Variants in CTNND2 observed in about 807,000 individuals in gnomAD.
CTNND2 encodes catenin delta 2.
CTNND2 carries 22 observed loss-of-function variants against 144.4 expected under a neutral mutation model. The ratio of observed to expected loss-of-function variants is 0.15; its 90% CI spans 0.11 to 0.22. CTNND2 has a LOEUF of 0.22. CTNND2 is among the 10% of genes least tolerant of loss of function. The probability of loss-of-function intolerance (pLI) is 1.00; values close to 1 mark genes in which losing one functional copy is unlikely to be tolerated. For synonymous variants in CTNND2, 751 were observed against 695.6 expected, an observed-to-expected ratio of 1.08 and a Z score of -1.25; for missense variants, 1,353 against 1,618.8, an observed-to-expected ratio of 0.84 and a Z score of 2.82.
chr5:11,440,298 C>A (rs1764151664), intron 3 of CTNND2, among the ~76,000 whole-genome samples: 1 of 152,178 alleles, frequency 6.6e-6, no homozygotes, highest in Admixed American at 6.5e-5. Context: ...TTCACCTTAT[C>A]TTAAACTCAA....
intron 9 of CTNND2, among the ~76,000 whole-genome samples, chr5:11,336,999 T>C (rs1034494878): frequency 9.2e-5 from 14 of 152,126 alleles, no homozygotes; most frequent in African/African-American, 3.4e-4. Context: ...CTGGTGAGGG[T>C]TCCACAACGT....
At chr5:11,442,160 T>C (rs1177889721) in intron 3 of CTNND2, among the ~76,000 whole-genome samples, 2 of 152,230 alleles carry the variant, frequency 1.3e-5, no homozygotes, top group East Asian at 3.8e-4. Flanking sequence ...CATTTCATTG[T>C]ATTTTATTCC....
chr5:11,018,704 ACT>A (rs1741888653), intron 17 of CTNND2, among the ~76,000 whole-genome samples: 1 of 140,168 alleles, frequency 7.1e-6, no homozygotes, highest in East Asian at 2.1e-4. Context: ...CAAGGCCCTG[ACT>A]CTTTTTTTTT....
chr5:11,565,070 A>G lies in CTNND2; in HGVS notation c.175-14T>C. On this transcript the variant is annotated splice_polypyrimidine_tract_variant and intron_variant, in intron 2 of 21. Transcript: ENST00000304623. Reference sequence around the variant, plus strand: ...AAACTGTAATTCCTGAAAGAAACCCATCAACAAGATCAATTCAATCATCTA... The same window carrying G: ...AAACTGTAATTCCTGAAAGAAACCCGTCAACAAGATCAATTCAATCATCTA... 6.4e-7 allele frequency: 1 copy of G among 1,566,118 alleles called. No individual in the cohort carries two copies. The highest frequency in any genetic ancestry group is 8.8e-7 in the Non-Finnish European group (1 of 1,136,612).
chr5:11,480,609 A>C (rs967251109), intron 3 of CTNND2, among the ~76,000 whole-genome samples: 5 of 148,950 alleles, frequency 3.4e-5, no homozygotes, highest in Non-Finnish European at 5.9e-5. Context: ...AACTCCCCCC[A>C]CCAAACATGC....
intron 9 of CTNND2, among the ~76,000 whole-genome samples, chr5:11,241,064 CCT>C (rs1383012400): frequency 6.8e-6 from 1 of 147,418 alleles, no homozygotes; most frequent in Non-Finnish European, 1.5e-5. Context: ...ACCACACACA[CCT>C]AACACCCAAC....
intron 10 of CTNND2, among the ~76,000 whole-genome samples, chr5:11,202,048 C>T (rs985498758): frequency 1.3e-5 from 2 of 152,112 alleles, no homozygotes; most frequent in African/African-American, 2.4e-5. Flanking sequence ...GTTCAAAGTT[C>T]TCTGAATTTA....
intron 1 of CTNND2, among the ~76,000 whole-genome samples, chr5:11,760,013 T>A (rs375482091): frequency 2.7e-5 from 4 of 148,176 alleles, no homozygotes; most frequent in South Asian, 4.3e-4. Context: ...ACCACATACT[T>A]TGCCAGGTCC....
chr5:11,297,782 A>G (rs1373904715), intron 9 of CTNND2, among the ~76,000 whole-genome samples: 3 of 152,136 alleles, frequency 2.0e-5, no homozygotes, highest in Admixed American at 1.3e-4. Context: ...TAAGCTATGA[A>G]CCAACATATT....
chr5:11,459,700 A>C (rs182105962), intron 3 of CTNND2, among the ~76,000 whole-genome samples: 1 of 152,330 alleles, frequency 6.6e-6, no homozygotes, highest in African/African-American at 2.4e-5. Context: ...AATATACTTT[A>C]TTTAAAACAT....
chr5:11,435,246 C>T (rs1037167020), intron 3 of CTNND2, among the ~76,000 whole-genome samples: 2 of 152,002 alleles, frequency 1.3e-5, no homozygotes, highest in African/African-American at 4.8e-5. Context: ...TCACACCATT[C>T]CCCTGCCTCA....
chr5:11,503,333 A>G (rs1274194886), intron 3 of CTNND2, among the ~76,000 whole-genome samples: 1 of 152,210 alleles, frequency 6.6e-6, no homozygotes, highest in Admixed American at 6.5e-5. Flanking sequence ...GGACAAAAAC[A>G]AACTATGACT....
chr5:11,708,732 C>T (rs1034600106), intron 2 of CTNND2, among the ~76,000 whole-genome samples: 7 of 152,034 alleles, frequency 4.6e-5, no homozygotes, highest in African/African-American at 1.7e-4. Context: ...TGTTGCAGTT[C>T]CAGGCAACAG....
At chr5:11,796,624 T>G (rs1791416319) in intron 1 of CTNND2, among the ~76,000 whole-genome samples, 1 of 152,182 alleles carries the variant, frequency 6.6e-6, no homozygotes, top group African/African-American at 2.4e-5. Context: ...CATAAGCATT[T>G]GCCCATTTTT....
chr5:11,242,369 G>C (rs1003677467), intron 9 of CTNND2, among the ~76,000 whole-genome samples: 2 of 152,110 alleles, frequency 1.3e-5, no homozygotes, highest in African/African-American at 4.8e-5. Flanking sequence ...GTCTCCTCTC[G>C]AATCCATAAA....
At chr5:11,103,415 A>G (rs1752112070) in intron 14 of CTNND2, among the ~76,000 whole-genome samples, 1 of 152,068 alleles carries the variant, frequency 6.6e-6, no homozygotes, top group South Asian at 2.1e-4. Flanking sequence ...TCATGCCCAT[A>G]ATCCGAGCAC....
At chr5:11,856,168 T>G (rs1795241785) in intron 1 of CTNND2, among the ~76,000 whole-genome samples, 1 of 152,160 alleles carries the variant, frequency 6.6e-6, no homozygotes, top group African/African-American at 2.4e-5. Context: ...TTTATAATAT[T>G]ATAAGGTATT....
chr5:11,549,361 G>A (rs1775560275), intron 3 of CTNND2, among the ~76,000 whole-genome samples: 1 of 152,056 alleles, frequency 6.6e-6, no homozygotes, highest in Non-Finnish European at 1.5e-5. Context: ...ATGGATGGAG[G>A]AATAAGATTT....
intron 16 of CTNND2, among the ~76,000 whole-genome samples, chr5:11,054,305 G>A (rs1746136734): frequency 6.6e-6 from 1 of 152,184 alleles, no homozygotes; most frequent in African/African-American, 2.4e-5. Flanking sequence ...GGTCAACACT[G>A]CAGTTCTTTC....
Sources: gnomAD v4.1 joint callset for allele counts (sites outside exome capture counted in the v4.1 genomes callset) on GRCh38, gnomAD v4.1.1 for gene constraint, MANE v1.5 for transcripts, NCBI Gene and HGNC (gene_info 2026-07-23, HGNC 2026-07-21) for gene names.